Variants in DOCK5 observed in about 807,000 individuals in gnomAD.
DOCK5 encodes dedicator of cytokinesis 5, also known as dedicator of cytokinesis protein 5.
In DOCK5, 142 loss-of-function variants were observed where a neutral mutation model predicts 251.8. The observed-to-expected ratio is 0.56, with a 90% CI of 0.49 to 0.65. DOCK5 has a LOEUF of 0.65. Ranked by LOEUF, DOCK5 falls within the 30% of genes least tolerant of loss-of-function variation. The pLI is 0.00. For missense variants in DOCK5, 2,111 were observed against 2,312.3 expected (o/e 0.91, Z 1.79); for synonymous variants, 842 against 835.5 (o/e 1.01, Z -0.13).
At chr8:25,258,989 C>T in intron 2 of DOCK5, among the ~76,000 whole-genome samples, 1 of 152,106 alleles carries the variant, frequency 6.6e-6, no homozygotes, top group East Asian at 1.9e-4. Context: ...CTTGGTGGTG[C>T]ATGCCTGTAA....
intron 14 of DOCK5, 113 bp from the exon 15 acceptor site, chr8:25,319,465 T>G: frequency 1.6e-6 from 1 of 643,428 alleles, no homozygotes. Context: ...TCAGTGCCAG[T>G]GTAGGGCATG....
In DOCK5 at chr8:25,211,841, C is replaced by T. The variant is rs1802124532; in HGVS notation, c.43+26890C>T. Among the ~76,000 whole-genome samples, 2 of 68,330 alleles carry T rather than the reference C, an allele frequency of 2.9e-5. 1 individual carries two copies. The highest frequency in any genetic ancestry group is 6.5e-4 in the East Asian group (2 of 3,090). 44.8% of individuals were successfully genotyped at this position (68,330 alleles called of 152,430 possible). ...TTAATTAATTAATAAATGCTATCTA[C>T]GTAGTTTATCATGCAGATTTTTTAG... On this transcript the variant is annotated intron_variant, in intron 1 of 51. Transcript: ENST00000276440.
chr8:25,358,037 G>A (rs1319133993), intron 27 of DOCK5, among the ~76,000 whole-genome samples: 4 of 152,104 alleles, frequency 2.6e-5, no homozygotes, highest in African/African-American at 7.2e-5. Flanking sequence ...CACAATTCAC[G>A]TGGGTAGTAT....
At chr8:25,257,688 A>G (rs1025990053) in intron 2 of DOCK5, among the ~76,000 whole-genome samples, 1 of 152,068 alleles carries the variant, frequency 6.6e-6, no homozygotes, top group African/African-American at 2.4e-5. Flanking sequence ...GAGATCAGGG[A>G]TTGGGGTTAT....
chr8:25,395,162 T>C (rs1415568158), intron 44 of DOCK5, among the ~76,000 whole-genome samples: 3 of 152,182 alleles, frequency 2.0e-5, no homozygotes, highest in African/African-American at 7.2e-5. Flanking sequence ...TCATAAGGCA[T>C]GCACAACCTA....
Position 25,342,313 on chromosome 8 carries a change from A to G in DOCK5, c.2511-88A>G. ...TTTCCAGGTAAATCTCTCCATGCCC[A>G]AATCTCAGAGTGGAGGAGAAAAGTT... is the stretch of plus-strand genomic sequence containing the variant. On this transcript the variant is annotated intron_variant, in intron 24 of 51. Transcript: ENST00000276440. The G allele has an allele frequency of 4.0e-6, 4 of 1,008,418 alleles. No homozygotes were observed. In the South Asian group the frequency reaches 5.9e-5, roughly 15 times the overall value. 62.5% of individuals were successfully genotyped at this position (1,008,418 alleles called of 1,614,324 possible).
chr8:25,236,581 C>CT (rs1041525538), intron 1 of DOCK5, among the ~76,000 whole-genome samples: 13 of 151,714 alleles, frequency 8.6e-5, no homozygotes, highest in Non-Finnish European at 1.6e-4. Context: ...TTGTAACCAT[C>CT]TTTTTTTTAT....
intron 7 of DOCK5, among the ~76,000 whole-genome samples, chr8:25,297,901 T>A (rs887490712): frequency 9.2e-5 from 14 of 151,782 alleles, no homozygotes; most frequent in South Asian, 8.3e-4. Context: ...AAAAATTTTT[T>A]AAAAAATTAG....
chr8:25,400,497 CAAAA>C (rs4056277), intron 46 of DOCK5, among the ~76,000 whole-genome samples: 6 of 76,362 alleles, frequency 7.9e-5, no homozygotes, highest in Admixed American at 4.0e-4. Flanking sequence ...GACTCCATCT[CAAAA>C]AAAAAAAAAA....
chr8:25,225,630 C>T (rs1398039949), intron 1 of DOCK5, among the ~76,000 whole-genome samples: 1 of 150,876 alleles, frequency 6.6e-6, no homozygotes, highest in Non-Finnish European at 1.5e-5. Flanking sequence ...GGCATGAACC[C>T]GGGATGCGGA....
intron 5 of DOCK5, among the ~76,000 whole-genome samples, chr8:25,282,248 C>G (rs1484991650): frequency 6.7e-6 from 1 of 150,146 alleles, no homozygotes; most frequent in Non-Finnish European, 1.5e-5. Flanking sequence ...TTTTTCCTGT[C>G]CCTTCCTAAA....
intron 35 of DOCK5, 103 bp downstream of exon 35, chr8:25,372,821 G>A (rs1800897966): frequency 1.6e-6 from 2 of 1,214,008 alleles, no homozygotes; most frequent in Non-Finnish European, 2.2e-6. Flanking sequence ...GGCGCCCTGA[G>A]GCACCTTTGT....
chr8:25,300,914 A>G (rs1259191444), intron 9 of DOCK5, among the ~76,000 whole-genome samples: 1 of 152,172 alleles, frequency 6.6e-6, no homozygotes, highest in East Asian at 1.9e-4. Flanking sequence ...ATAAACAATA[A>G]TCAATCCAGG....
chr8:25,223,888 C>T (rs1022454622), intron 1 of DOCK5, among the ~76,000 whole-genome samples: 3 of 152,138 alleles, frequency 2.0e-5, no homozygotes, highest in Non-Finnish European at 2.9e-5. Flanking sequence ...AAAACTGAGG[C>T]TCATCATAAC....
intron 32 of DOCK5, 149 bp from the exon 33 acceptor site, chr8:25,368,422 G>A (rs1214522173): frequency 1.9e-6 from 2 of 1,068,282 alleles, no homozygotes; most frequent in Non-Finnish European, 2.7e-6. Context: ...TCTTACTCTG[G>A]CATCCACATG....
At chr8:25,341,120 T>C in intron 23 of DOCK5, 132 bp downstream of exon 23, 1 of 603,398 alleles carries the variant, frequency 1.7e-6, no homozygotes, top group South Asian at 2.7e-5. Flanking sequence ...AATTTTAGTA[T>C]GATTTACAGA....
At chr8:25,226,992 A>G (rs1386190855) in intron 1 of DOCK5, among the ~76,000 whole-genome samples, 1 of 152,232 alleles carries the variant, frequency 6.6e-6, no homozygotes. Flanking sequence ...TGTGTGTACC[A>G]TGATTTATTT....
At chr8:25,332,153 T>G in intron 18 of DOCK5, 98 bp from the exon 19 acceptor site, 13 of 795,770 alleles carry the variant, frequency 1.6e-5, no homozygotes, top group Middle Eastern at 2.3e-4. Context: ...TAGCCACTAT[T>G]GAGAGCAATT....
At chr8:25,240,736 T>G (rs1802918951) in intron 1 of DOCK5, among the ~76,000 whole-genome samples, 1 of 152,216 alleles carries the variant, frequency 6.6e-6, no homozygotes, top group African/African-American at 2.4e-5. Flanking sequence ...TTTTGGGGGC[T>G]ATTGTGAATA....
Sources: gnomAD v4.1 joint callset for allele counts (sites outside exome capture counted in the v4.1 genomes callset) on GRCh38, gnomAD v4.1.1 for gene constraint, MANE v1.5 for transcripts, NCBI Gene and HGNC (gene_info 2026-07-23, HGNC 2026-07-21) for gene names.